HELZ: variants seen among roughly 807,000 people sequenced by gnomAD.
HELZ encodes ATP-dependent RNA helicase with zinc finger domain.
A neutral mutation model predicts 218.2 loss-of-function variants in HELZ; 23 were observed. The ratio of observed to expected loss-of-function variants is 0.11; its 90% CI spans 0.08 to 0.15. HELZ has a LOEUF of 0.15. Among genes scored for constraint, HELZ ranks in the 10% least tolerant of loss-of-function variants. The pLI, the probability that HELZ is intolerant of heterozygous loss-of-function variation, is 1.00. For missense variants in HELZ, 1,813 were observed against 2,353.7 expected (o/e 0.77, Z 4.75); for synonymous variants, 814 against 829.4 (o/e 0.98, Z 0.32).
At chr17:67,158,734 G>A (rs1311968608) in intron 17 of HELZ, among the ~76,000 whole-genome samples, 1 of 152,096 alleles carries the variant, frequency 6.6e-6, no homozygotes, top group East Asian at 1.9e-4. Context: ...CTCGATACTT[G>A]GGCCACAACA....
intron 27 of HELZ, among the ~76,000 whole-genome samples, chr17:67,120,171 T>G (rs1050780461): frequency 2.7e-4 from 41 of 151,262 alleles, no homozygotes; most frequent in Admixed American, 2.6e-3. Flanking sequence ...GCCCGGCTAA[T>G]TTTTTTGTAT....
intron 9 of HELZ, among the ~76,000 whole-genome samples, chr17:67,192,507 T>C (rs2039923893): frequency 6.6e-6 from 1 of 152,204 alleles, no homozygotes; most frequent in Admixed American, 6.5e-5. Context: ...CAATATGTCT[T>C]AATGGGCCAA....
intron 13 of HELZ, among the ~76,000 whole-genome samples, chr17:67,175,987 C>T (rs962134563): frequency 2.0e-5 from 3 of 152,128 alleles, no homozygotes; most frequent in African/African-American, 7.2e-5. Context: ...TTACCACTGC[C>T]GTACCACAAT....
At chr17:67,087,155 C>T (rs2036419768) in intron 31 of HELZ, 74 bp from the exon 32 acceptor site, 1 of 1,335,072 alleles carries the variant, frequency 7.5e-7, no homozygotes. Context: ...CACTCCATAG[C>T]AATATCTCAC....
chr17:67,103,018 G>A (rs916428258), intron 31 of HELZ, among the ~76,000 whole-genome samples: 2 of 152,148 alleles, frequency 1.3e-5, no homozygotes, highest in Admixed American at 6.5e-5. Flanking sequence ...GTATTATTTA[G>A]TAAAGTACAA....
At chr17:67,239,401 G>A (rs1453017665) in intron 3 of HELZ, 32 bp downstream of exon 3, 2 of 152,194 alleles carry the variant, frequency 1.3e-5, no homozygotes, top group Non-Finnish European at 2.9e-5. Flanking sequence ...TAAAATTCTT[G>A]TTTTCTAAAT....
intron 32 of HELZ, among the ~76,000 whole-genome samples, chr17:67,081,422 G>A (rs550823589): frequency 2.0e-5 from 3 of 152,108 alleles, no homozygotes; most frequent in Non-Finnish European, 4.4e-5. Flanking sequence ...ACAACAGAGG[G>A]CAATAACAAC....
intron 2 of HELZ, among the ~76,000 whole-genome samples, chr17:67,241,175 G>A (rs2041305153): frequency 6.6e-6 from 1 of 152,126 alleles, no homozygotes; most frequent in Admixed American, 6.6e-5. Context: ...ACATTACTTA[G>A]AAATCCAATT....
At chr17:67,201,321 C>A in intron 6 of HELZ, 136 bp from the exon 7 acceptor site, 1 of 575,938 alleles carries the variant, frequency 1.7e-6, no homozygotes, top group Non-Finnish European at 3.1e-6. Flanking sequence ...TCACTACTAC[C>A]ATTAACGATG....
intron 32 of HELZ, among the ~76,000 whole-genome samples, chr17:67,080,975 G>A (rs1234360983): frequency 6.6e-6 from 1 of 152,218 alleles, no homozygotes; most frequent in Non-Finnish European, 1.5e-5. Flanking sequence ...CTCAGCTAGT[G>A]ACTACATTTC....
At chr17:67,089,668 TAGAG>T (rs1555595394) in intron 31 of HELZ, among the ~76,000 whole-genome samples, 275 of 70,614 alleles carry the variant, frequency 3.9e-3, no homozygotes, top group African/African-American at 0.011. Context: ...TATATATATA[TAGAG>T]AGAGAGAGAG....
chr17:67,188,467 G>A lies in HELZ; in HGVS notation c.1014C>T (p.Ala338=), dbSNP rs1280768474. The part of the protein sequence containing the change: ...NCQEWIGGKM[A]QNGLDHYVYK... Reference sequence around the variant, plus strand: ...ACACGTAATGATCTAATCCATTTTGGGCCATCTTTCCTCCTATCCATTCTT... The same window carrying A: ...ACACGTAATGATCTAATCCATTTTGAGCCATCTTTCCTCCTATCCATTCTT... The change falls in exon 12 of 33, where the codon GCC becomes GCT. Residue 338 remains alanine, a synonymous_variant. Transcript: ENST00000358691. The surrounding 1 kb of genome is among the most constrained non-coding windows in gnomAD (Gnocchi z 4.1). The A allele has an allele frequency of 6.2e-7, 1 of 1,613,728 alleles. No homozygotes were observed. The highest frequency in any genetic ancestry group is 8.5e-7 in the Non-Finnish European group (1 of 1,179,842).
At chr17:67,085,489 A>G (rs1225715125) in intron 32 of HELZ, among the ~76,000 whole-genome samples, 2 of 152,230 alleles carry the variant, frequency 1.3e-5, no homozygotes, top group Non-Finnish European at 2.9e-5. Flanking sequence ...AAAGGTACCA[A>G]AGAATGTTTA....
intron 32 of HELZ, among the ~76,000 whole-genome samples, chr17:67,084,429 G>C (rs1331174642): frequency 6.6e-6 from 1 of 151,836 alleles, no homozygotes; most frequent in Non-Finnish European, 1.5e-5. Context: ...TTGGGAGGCC[G>C]AGGCGGGCGG....
chr17:67,231,592 GAAAA>G (rs777015874), intron 3 of HELZ, among the ~76,000 whole-genome samples: 3 of 107,416 alleles, frequency 2.8e-5, no homozygotes. Context: ...GACTCTGTCG[GAAAA>G]AAAAAAAAAA....
upstream of HELZ, chr17:67,245,255 C>T: frequency 7.2e-6 from 7 of 974,020 alleles, no homozygotes; most frequent in South Asian, 4.6e-5. Flanking sequence ...CCGACTCCCG[C>T]CTCCCGCCGC....
chr17:67,239,717 T>G (rs1343191583), intron 2 of HELZ: 2 of 152,246 alleles, frequency 1.3e-5, no homozygotes, highest in Non-Finnish European at 2.9e-5. Context: ...TGTGTGACCT[T>G]GAGCAACTCA....
intron 32 of HELZ, among the ~76,000 whole-genome samples, chr17:67,081,205 T>C (rs1311289316): frequency 3.3e-5 from 5 of 152,172 alleles, no homozygotes. Context: ...CTTCAATGAC[T>C]TTGTGAAGCA....
Position 67,108,386 on chromosome 17 carries a change from A to G in HELZ, c.4724+106T>C, listed in dbSNP as rs562956912. 4.9e-6 allele frequency: 4 copies of G among 820,278 alleles called. No individual in the cohort carries two copies. The highest frequency in any genetic ancestry group is 3.2e-5 in the South Asian group (2 of 63,266). The allele number at this position is 820,278 out of a possible 1,614,324, so 50.8% of individuals were successfully genotyped here. A position where few individuals can be genotyped will look rare whatever the true frequency, so the allele number is the denominator to read the frequency against. The stretch of plus-strand genomic sequence containing the variant: ...CGTGTGCTTGGAAGGCCAGCATCCA[A>G]TTTCTCTGAGGCAATATTCCAGCTT... On this transcript the variant is annotated intron_variant, in intron 30 of 32. Transcript: ENST00000358691. The surrounding 1 kb of genome is among the most constrained non-coding windows in gnomAD (Gnocchi z 4.1).
Sources: gnomAD v4.1 joint callset for allele counts (sites outside exome capture counted in the v4.1 genomes callset) on GRCh38, gnomAD v4.1.1 for gene constraint, Gnocchi (gnomAD v3.1) non-coding constraint, MANE v1.5 for transcripts, NCBI Gene and HGNC (gene_info 2026-07-23, HGNC 2026-07-21) for gene names.